Variants in PDE3B observed in about 807,000 individuals in gnomAD.
PDE3B encodes phosphodiesterase 3B, also known as cGMP-inhibited 3',5'-cyclic phosphodiesterase 3B.
A neutral mutation model predicts 116.8 loss-of-function variants in PDE3B; 66 were observed. The observed-to-expected ratio is 0.56, with a 90% confidence interval of 0.46 to 0.69. The LOEUF is 0.69. Ranked by LOEUF, PDE3B falls within the 30% of genes least tolerant of loss-of-function variation. The pLI, the probability that PDE3B is intolerant of heterozygous loss-of-function variation, is 0.00. For missense variants in PDE3B, 1,384 were observed against 1,368.1 expected, an observed-to-expected ratio of 1.01 and a Z score of -0.18; for synonymous variants, 595 against 533.6, an observed-to-expected ratio of 1.12 and a Z score of -1.59.
At chr11:14,798,437 C>T (rs1192237435) in intron 4 of PDE3B, among the ~76,000 whole-genome samples, 4 of 151,910 alleles carry the variant, frequency 2.6e-5, no homozygotes, top group Non-Finnish European at 4.4e-5. Context: ...AGGATGATGT[C>T]GGTGTCATAA....
At chr11:14,703,054 CTGAGGCAAG>C (rs1855418786) in intron 1 of PDE3B, among the ~76,000 whole-genome samples, 1 of 151,824 alleles carries the variant, frequency 6.6e-6, no homozygotes, top group African/African-American at 2.4e-5. Context: ...TTCTGTCAGT[CTGAGGCAAG>C]TAGTCACTTG....
intron 1 of PDE3B, among the ~76,000 whole-genome samples, chr11:14,694,807 T>A (rs1855155008): frequency 6.6e-6 from 1 of 152,154 alleles, no homozygotes; most frequent in East Asian, 1.9e-4. Flanking sequence ...GTTATAATCC[T>A]CTATTAAATA....
chr11:14,810,380 A>G lies in PDE3B; in HGVS notation c.1522+6330A>G, dbSNP rs1214874104. On this transcript the variant is annotated intron_variant, in intron 5 of 15. Coordinates refer to ENST00000282096, the MANE Select transcript of PDE3B (RefSeq NM_000922.4). ...CCCCTTCCTGTGTCCATGTGTTCTC[A>G]TTGTTCAATTCCCACCTACAAGTGA... 3.6e-5 allele frequency among the ~76,000 whole-genome samples: 5 copies of G among 137,476 alleles called. No individual in the cohort carries two copies. The East Asian group carries it at 1.1e-3, about 29-fold the overall frequency. 90.2% of individuals were successfully genotyped at this position (137,476 alleles called of 152,430 possible). A position where few individuals can be genotyped will look rare whatever the true frequency, so the allele number is the denominator to read the frequency against.
chr11:14,692,382 A>G (rs1855067394), intron 1 of PDE3B, among the ~76,000 whole-genome samples: 1 of 152,102 alleles, frequency 6.6e-6, no homozygotes, highest in South Asian at 2.1e-4. Context: ...TCTTCACTTT[A>G]TATGAAGTAT....
chr11:14,866,244 TAA>T (rs1429389096), intron 14 of PDE3B, among the ~76,000 whole-genome samples: 2 of 152,214 alleles, frequency 1.3e-5, no homozygotes, highest in Non-Finnish European at 2.9e-5. Flanking sequence ...TCACTTAATC[TAA>T]GTGTCATTAT....
chr11:14,844,381 C>G (rs1847542344), intron 12 of PDE3B, among the ~76,000 whole-genome samples: 2 of 152,224 alleles, frequency 1.3e-5, no homozygotes, highest in South Asian at 4.1e-4. Context: ...AGGAACAGCT[C>G]TGGTCTACAG....
chr11:14,736,298 A>G (rs1358395236), intron 1 of PDE3B, among the ~76,000 whole-genome samples: 3 of 152,210 alleles, frequency 2.0e-5, no homozygotes, highest in Non-Finnish European at 4.4e-5. Flanking sequence ...AACTAAAGCT[A>G]CAAGGGAGTT....
chr11:14,734,670 C>T (rs1405260442), intron 1 of PDE3B, among the ~76,000 whole-genome samples: 1 of 152,048 alleles, frequency 6.6e-6, no homozygotes, highest in Admixed American at 6.6e-5. Context: ...TAATTCTATT[C>T]TTTTAAATGA....
intron 7 of PDE3B, among the ~76,000 whole-genome samples, chr11:14,824,258 C>T (rs2133955658): frequency 6.6e-6 from 1 of 152,290 alleles, no homozygotes; most frequent in South Asian, 2.1e-4. Flanking sequence ...ATCTTATGAC[C>T]TCCAAACAAC....
chr11:14,715,963 G>A (rs1426408088), intron 1 of PDE3B, among the ~76,000 whole-genome samples: 1 of 152,222 alleles, frequency 6.6e-6, no homozygotes, highest in Non-Finnish European at 1.5e-5. Context: ...CTCCCAGCGT[G>A]AGCGACGCAG....
At chr11:14,809,190 T>G (rs1590163299) in intron 5 of PDE3B, among the ~76,000 whole-genome samples, 1 of 152,220 alleles carries the variant, frequency 6.6e-6, no homozygotes, top group Non-Finnish European at 1.5e-5. Context: ...TTTCTCAAAT[T>G]TTAAACATGA....
At chr11:14,656,791 C>T (rs1565075585) in intron 1 of PDE3B, among the ~76,000 whole-genome samples, 1 of 152,180 alleles carries the variant, frequency 6.6e-6, no homozygotes, top group Non-Finnish European at 1.5e-5. Flanking sequence ...TTGAAATTCT[C>T]ATCCTTGAAT....
At chr11:14,702,751 ACACTC>A in intron 1 of PDE3B, among the ~76,000 whole-genome samples, 1 of 152,072 alleles carries the variant, frequency 6.6e-6, no homozygotes, top group South Asian at 2.1e-4. Context: ...CAGATATAGA[ACACTC>A]CAATTCAGTC....
At chr11:14,853,927 A>G (rs988325563) in intron 12 of PDE3B, among the ~76,000 whole-genome samples, 4 of 152,130 alleles carry the variant, frequency 2.6e-5, no homozygotes, top group African/African-American at 7.2e-5. Context: ...TTAAGTTGAG[A>G]TTTTTAAATG....
intron 5 of PDE3B, among the ~76,000 whole-genome samples, chr11:14,814,390 TAATA>T (rs953796128): frequency 2.0e-5 from 3 of 152,136 alleles, no homozygotes; most frequent in African/African-American, 7.2e-5. Context: ...GTAATAGAAT[TAATA>T]AGTAAATTTT....
chr11:14,839,515 ACTCTAGTTGCTACAG>A lies in PDE3B; in HGVS notation c.2321-4309_2321-4295del. ...TTATTCTCAATGTAATCAGGTGGTT[ACTCTAGTTGCTACAG>A]CTGTTCCAGATGTGGTCTCTTCTTT... On this transcript the variant is annotated intron_variant, in intron 11 of 15. Coordinates refer to ENST00000282096, the MANE Select transcript of PDE3B (RefSeq NM_000922.4). 2.0e-5 allele frequency among the ~76,000 whole-genome samples: 3 copies of A among 152,320 alleles called. No individual in the cohort carries two copies. In the East Asian group the frequency reaches 5.8e-4, roughly 29 times the overall value.
At chr11:14,660,071 T>A (rs956089222) in intron 1 of PDE3B, among the ~76,000 whole-genome samples, 1 of 152,170 alleles carries the variant, frequency 6.6e-6, no homozygotes, top group Non-Finnish European at 1.5e-5. Context: ...ATTGTTAGCT[T>A]TATAGTCAGC....
chr11:14,650,705 T>G (rs1853549149), intron 1 of PDE3B, among the ~76,000 whole-genome samples: 1 of 152,104 alleles, frequency 6.6e-6, no homozygotes. Context: ...GGCCGGAGAA[T>G]GGCTTGAACC....
chr11:14,799,757 C>CT lies in PDE3B; in HGVS notation c.1416-4169dup, dbSNP rs60506229. On this transcript the variant is annotated intron_variant, in intron 4 of 15. Coordinates refer to ENST00000282096, the MANE Select transcript of PDE3B (RefSeq NM_000922.4). ...CAGAGATTAGGACTGCAACTCCTGCCTTTTTTTTTTTTTTTTTTGCTTTCC... is the reference window on the plus strand; with the variant it reads ...CAGAGATTAGGACTGCAACTCCTGCCTTTTTTTTTTTTTTTTTTTGCTTTCC... 4.3e-3 allele frequency among the ~76,000 whole-genome samples: 467 copies of CT among 107,980 alleles called. 8 individuals carry two copies. In the East Asian group the frequency reaches 0.044, roughly 10 times the overall value. 70.8% of individuals were successfully genotyped at this position (107,980 alleles called of 152,430 possible).
Sources: allele counts gnomAD v4.1 joint callset (sites outside exome capture counted in the v4.1 genomes callset), GRCh38; gene constraint gnomAD v4.1.1; transcripts MANE v1.5; gene names NCBI Gene and HGNC (gene_info 2026-07-23, HGNC 2026-07-21).